Variants in SEC16A observed in about 807,000 individuals in gnomAD.
SEC16A encodes the protein SEC16 homolog A, endoplasmic reticulum export factor.
Under a neutral mutation model 221.9 loss-of-function variants are expected in SEC16A, and 110 were observed. The ratio of observed to expected loss-of-function variants is 0.50; its 90% CI spans 0.42 to 0.58. The LOEUF is 0.58. Ranked by LOEUF, SEC16A falls within the 20% of genes least tolerant of loss-of-function variation. The pLI is 0.00. For missense variants in SEC16A, 3,165 were observed against 3,097.8 expected, an observed-to-expected ratio of 1.02 and a Z score of -0.52; for synonymous variants, 1,393 against 1,257.7, an observed-to-expected ratio of 1.11 and a Z score of -2.28.
In SEC16A at chr9:136,460,009, A is replaced by G. The variant is rs1285654981; in HGVS notation, c.5073+33T>C. On this transcript the variant is annotated intron_variant, in intron 14 of 31. Coordinates refer to ENST00000684901, the MANE Select transcript of SEC16A (RefSeq NM_014866.2). ...CGAGCAAACTCCACACAGGCAGTGG[A>G]GCCTGTGCAAGCCACCAGGCAGTGC... 3.2e-6 allele frequency: 5 copies of G among 1,561,346 alleles called. No individual in the cohort carries two copies. In the African/African-American group the frequency reaches 6.8e-5, roughly 21 times the overall value.
Position 136,447,757 on chromosome 9 carries a change from A to G in SEC16A, c.6448-77T>C. 6.5e-7 allele frequency: 1 copy of G among 1,547,512 alleles called. No individual in the cohort carries two copies. Among genetic ancestry groups the G allele is most frequent in the Non-Finnish European group, 8.9e-7 (1 of 1,127,700 alleles). ...TGGGATGGCACAGTCAGGAGGCTCC[A>G]AAAGGGGCAACAGCCACCCAAATAT... is the stretch of plus-strand genomic sequence containing the variant. On this transcript the variant is annotated intron_variant, in intron 25 of 31. Coordinates refer to ENST00000684901, the MANE Select transcript of SEC16A (RefSeq NM_014866.2). The surrounding 1 kb of genome is among the most constrained non-coding windows in gnomAD (Gnocchi z 5.5).
Position 136,464,565 on chromosome 9 carries a change from G to A in SEC16A, c.4304-3C>T. 1.9e-6 allele frequency: 3 copies of A among 1,592,004 alleles called. No individual in the cohort carries two copies. Among genetic ancestry groups the A allele is most frequent in the Non-Finnish European group, 2.6e-6 (3 of 1,163,438 alleles). On this transcript the variant is annotated splice_polypyrimidine_tract_variant and splice_region_variant and intron_variant, in intron 8 of 31. Transcript: ENST00000684901. The stretch of plus-strand genomic sequence containing the variant: ...AGGAGAAGTTGGTCTTGATGAAACT[G>A]CATTTAAAATAAATTGAAAAAGAAA...
intron 30 of SEC16A, 47 bp downstream of exon 30, chr9:136,445,005 G>A (rs910207667): frequency 1.7e-5 from 27 of 1,549,840 alleles, no homozygotes; most frequent in Middle Eastern, 1.7e-4. Context: ...GAACACAGGC[G>A]GCACACGCCA....
intron 31 of SEC16A, among the ~76,000 whole-genome samples, chr9:136,442,282 C>A (rs1341859326): frequency 1.3e-5 from 2 of 152,268 alleles, no homozygotes; most frequent in Non-Finnish European, 2.9e-5. Flanking sequence ...AGGCACTAAC[C>A]ACATGGTAAA....
intron 31 of SEC16A, among the ~76,000 whole-genome samples, chr9:136,443,214 G>A (rs959820435): frequency 5.2e-5 from 7 of 134,814 alleles, no homozygotes; most frequent in African/African-American, 1.1e-4. Context: ...ACAGGAGCAC[G>A]GAGGGCCTCG....
At chr9:136,484,647 G>A, upstream of SEC16A, 1 of 1,365,718 alleles carries the variant, frequency 7.3e-7, no homozygotes, top group Non-Finnish European at 9.8e-7. Flanking sequence ...CCGGCGGCTG[G>A]TGAGGGAGGG....
chr9:136,481,206 C>G (rs1842302291), intron 1 of SEC16A, among the ~76,000 whole-genome samples: 1 of 141,106 alleles, frequency 7.1e-6, no homozygotes, highest in Non-Finnish European at 1.5e-5. Context: ...GCGATCTCGG[C>G]TCACTGCAGG....
intron 22 of SEC16A, among the ~76,000 whole-genome samples, chr9:136,452,945 C>T (rs1838061620): frequency 6.6e-6 from 1 of 151,570 alleles, no homozygotes; most frequent in African/African-American, 2.4e-5. Context: ...GTGGCACACA[C>T]CTGTAGTCCC....
chr9:136,483,200 C>T (rs1390395733), upstream of SEC16A: 8 of 189,934 alleles, frequency 4.2e-5, no homozygotes, highest in Non-Finnish European at 6.3e-5. Flanking sequence ...CGGCGTCCGT[C>T]CTCCCCGCCT....
At chr9:136,449,373 C>T (rs1302398982) in intron 23 of SEC16A, among the ~76,000 whole-genome samples, 1 of 152,236 alleles carries the variant, frequency 6.6e-6, no homozygotes, top group Non-Finnish European at 1.5e-5. Context: ...CCTCAACCTC[C>T]TGAGTAGCTG....
chr9:136,483,573 C>A (rs563846026), upstream of SEC16A: 49 of 985,338 alleles, frequency 5.0e-5, no homozygotes, highest in Admixed American at 2.3e-3. Flanking sequence ...AGTACGTCGC[C>A]CTGTTTACGC....
At chr9:136,460,178 GCCGGCCGGA>G in intron 13 of SEC16A, 55 bp from the exon 14 acceptor site, 1 of 1,456,136 alleles carries the variant, frequency 6.9e-7, no homozygotes, top group Admixed American at 2.0e-5. Flanking sequence ...AAAGAAAAAA[GCCGGCCGGA>G]CATGATGGCT....
chr9:136,473,834 T>C (rs1462251476), intron 3 of SEC16A, among the ~76,000 whole-genome samples: 1 of 152,176 alleles, frequency 6.6e-6, no homozygotes, highest in Non-Finnish European at 1.5e-5. Flanking sequence ...ACGCGTGGTG[T>C]GAACTAAGGG....
Position 136,477,707 on chromosome 9 carries a change from C to A in SEC16A, c.-69-23G>T, listed in dbSNP as rs1489550455. On this transcript the variant is annotated intron_variant, in intron 2 of 31. Coordinates refer to ENST00000684901, the MANE Select transcript of SEC16A (RefSeq NM_014866.2). ...GAGCTGGAAAAGAAAAAGAGAAAATCAGCATAAAATCCATATATTCAAAGT... is the reference window on the plus strand; with the variant it reads ...GAGCTGGAAAAGAAAAAGAGAAAATAAGCATAAAATCCATATATTCAAAGT... The A allele has an allele frequency of 1.2e-5, 18 of 1,441,020 alleles. 1 individual carries two copies. In the South Asian group the frequency reaches 2.5e-4, roughly 20 times the overall value. 89.3% of individuals were successfully genotyped at this position (1,441,020 alleles called of 1,614,324 possible).
At position 136,455,841 on chromosome 9, in the gene SEC16A, T is replaced by C. The variant is rs764743055; in HGVS notation, c.5665-48A>G. On this transcript the variant is annotated intron_variant, in intron 19 of 31. Coordinates refer to ENST00000684901, the MANE Select transcript of SEC16A (RefSeq NM_014866.2). ...CTGTGGAAGCCGCCTGTGGCCGCTC[T>C]GCAGCGCTGCCCGCCTGCCACCACC... 5 of 1,514,984 alleles carry C rather than the reference T, an allele frequency of 3.3e-6. 1 individual carries two copies. In the South Asian group the frequency reaches 3.8e-5, roughly 11 times the overall value. The allele number at this position is 1,514,984 out of a possible 1,614,324, so 93.8% of individuals were successfully genotyped here. A position where few individuals can be genotyped will look rare whatever the true frequency, so the allele number is the denominator to read the frequency against.
At position 136,475,739 on chromosome 9, in the gene SEC16A, G is replaced by A. The variant is rs1841538058; in HGVS notation, c.1877C>T (p.Ala626Val). The change falls in exon 3 of 32, where the codon GCA (alanine) becomes GTA (valine). Residue 626 changes from alanine (A) to valine (V), a missense_variant. Physicochemically the swap from Ala to Val is moderately conservative, Grantham distance 64. Coordinates refer to ENST00000684901, the MANE Select transcript of SEC16A (RefSeq NM_014866.2). The surrounding 1 kb of genome is among the most constrained non-coding windows in gnomAD (Gnocchi z 5.0). ...TTCACCAACCACGTTGGCGCGATCTGCCTCAAATGGTTTTACCCCAACTAA... is the reference window on the plus strand; with the variant it reads ...TTCACCAACCACGTTGGCGCGATCTACCTCAAATGGTTTTACCCCAACTAA... ...SHLVGVKPFE[A>V]DRANVVGEVR... 2 of 1,608,602 alleles carry A rather than the reference G, an allele frequency of 1.2e-6. No individual in the cohort carries two copies. Among genetic ancestry groups the A allele is most frequent in the Non-Finnish European group, 1.7e-6 (2 of 1,177,460 alleles).
chr9:136,441,655 G>C lies in SEC16A; in HGVS notation c.*100C>G. The C allele has an allele frequency of 3.0e-6, 3 of 994,862 alleles. No homozygotes were observed. Among genetic ancestry groups the C allele is most frequent in the South Asian group, 2.7e-5 (2 of 74,858 alleles). The allele number at this position is 994,862 out of a possible 1,614,324, so 61.6% of individuals were successfully genotyped here. A position where few individuals can be genotyped will look rare whatever the true frequency, so the allele number is the denominator to read the frequency against. On this transcript the variant is annotated 3_prime_UTR_variant, in exon 32 of 32. Transcript: ENST00000684901. The stretch of plus-strand genomic sequence containing the variant: ...GCGACCAGCTCTGAGTCACTGCTGT[G>C]TCTCCCTGGGGGCGGGACGGAGATC...
intron 2 of SEC16A, among the ~76,000 whole-genome samples, 103 bp downstream of exon 2, chr9:136,478,606 T>G (rs1841946145): frequency 6.6e-6 from 1 of 151,814 alleles, no homozygotes; most frequent in Non-Finnish European, 1.5e-5. Context: ...GAGGTCAAGG[T>G]GGAAGGACTG....
Position 136,466,273 on chromosome 9 carries a change from G to A in SEC16A, c.4119C>T (p.His1373=). The change falls in exon 7 of 32, where the codon CAC becomes CAT. Residue 1373 remains histidine, a synonymous_variant. Transcript: ENST00000684901. The surrounding 1 kb of genome is among the most constrained non-coding windows in gnomAD (Gnocchi z 5.5). ...LASRRSSLSS[H]SHQSQIYRSH... is the part of the protein sequence containing the mutation. ...AGGCGCCGCCGCGTACCTGGTGCGA[G>A]TGGGAGCTGAGGCTGCTGCGGCGGC... 2 of 1,581,016 alleles carry A rather than the reference G, an allele frequency of 1.3e-6. No individual in the cohort carries two copies. Among genetic ancestry groups the A allele is most frequent in the Non-Finnish European group, 1.7e-6 (2 of 1,163,080 alleles).
Sources: gnomAD v4.1 joint callset for allele counts (sites outside exome capture counted in the v4.1 genomes callset) on GRCh38, gnomAD v4.1.1 for gene constraint, Gnocchi (gnomAD v3.1) non-coding constraint, MANE v1.5 for transcripts, NCBI Gene and HGNC (gene_info 2026-07-23, HGNC 2026-07-21) for gene names.